Variants in KCNAB1 observed in about 807,000 individuals in gnomAD.
The protein encoded by KCNAB1 is voltage-gated potassium channel subunit beta-1.
KCNAB1 carries 35 observed loss-of-function variants against 64.6 expected under a neutral mutation model. That is an observed-to-expected ratio of 0.54 (90% CI 0.41 to 0.72). The LOEUF is 0.72. Among genes scored for constraint, KCNAB1 ranks in the 30% least tolerant of loss-of-function variants. The pLI is 0.00. For missense variants in KCNAB1, 401 were observed against 512.9 expected (o/e 0.78, Z 2.11); for synonymous variants, 177 against 183.8 (o/e 0.96, Z 0.30).
At position 156,292,978 on chromosome 3, in the gene KCNAB1, T is replaced by C. The variant is rs533456504; in HGVS notation, c.276-128638T>C. Among the ~76,000 whole-genome samples the C allele has an allele frequency of 2.6e-5, 4 of 152,364 alleles. No homozygotes were observed. The South Asian group carries it at 8.3e-4, about 32-fold the overall frequency. On this transcript the variant is annotated intron_variant, in intron 1 of 13. Coordinates refer to ENST00000490337, the MANE Select transcript of KCNAB1 (RefSeq NM_172160.3). ...TTAAGCCTAAATTACTGCTTGAAAT[T>C]AAATGTAGACCTTGTGAAATATGGA...
chr3:156,239,628 T>G (rs1286031480), intron 1 of KCNAB1, among the ~76,000 whole-genome samples: 2 of 152,226 alleles, frequency 1.3e-5, no homozygotes, highest in African/African-American at 4.8e-5. Flanking sequence ...CCTGCAGTCC[T>G]TGGAGAGCCG....
At chr3:156,324,336 G>C (rs775870035) in intron 1 of KCNAB1, among the ~76,000 whole-genome samples, 1 of 152,030 alleles carries the variant, frequency 6.6e-6, no homozygotes, top group African/African-American at 2.4e-5. Flanking sequence ...ATTACAATGC[G>C]CTTTAATTAG....
intron 1 of KCNAB1, among the ~76,000 whole-genome samples, chr3:156,192,254 T>C (rs1204044141): frequency 4.6e-5 from 7 of 152,156 alleles, no homozygotes; most frequent in Non-Finnish European, 1.0e-4. Flanking sequence ...AATTTATTTA[T>C]TTACCTTTTG....
chr3:156,331,430 A>C (rs1047160805), intron 1 of KCNAB1, among the ~76,000 whole-genome samples: 1 of 152,214 alleles, frequency 6.6e-6, no homozygotes, highest in Non-Finnish European at 1.5e-5. Flanking sequence ...AGTGCATGGC[A>C]AAATGAGTAA....
At chr3:156,535,478 G>A (rs568758322) in intron 13 of KCNAB1, among the ~76,000 whole-genome samples, 4 of 152,014 alleles carry the variant, frequency 2.6e-5, no homozygotes, top group Non-Finnish European at 5.9e-5. Context: ...TCAGCATGTC[G>A]GTGCAAATGA....
chr3:156,353,051 T>G (rs1451052989), intron 1 of KCNAB1, among the ~76,000 whole-genome samples: 2 of 152,232 alleles, frequency 1.3e-5, no homozygotes, highest in African/African-American at 4.8e-5. Context: ...GTTCCTTAGA[T>G]TATTGTAGCA....
chr3:156,498,814 G>C (rs1716185401), intron 8 of KCNAB1, among the ~76,000 whole-genome samples: 1 of 152,248 alleles, frequency 6.6e-6, no homozygotes, highest in South Asian at 2.1e-4. Context: ...GACAAGAGCA[G>C]AGCTTTCACT....
intron 1 of KCNAB1, among the ~76,000 whole-genome samples, chr3:156,146,137 G>A (rs1453855626): frequency 6.6e-6 from 1 of 152,094 alleles, no homozygotes; most frequent in Non-Finnish European, 1.5e-5. Context: ...TCTAACTAAG[G>A]TTGACCAGGA....
intron 1 of KCNAB1, among the ~76,000 whole-genome samples, chr3:156,347,215 G>A (rs1724537676): frequency 6.6e-6 from 1 of 152,216 alleles, no homozygotes. Context: ...CAGTATTTGT[G>A]TTGAGACAAA....
At chr3:156,503,019 T>C (rs987405285) in intron 8 of KCNAB1, among the ~76,000 whole-genome samples, 6 of 152,360 alleles carry the variant, frequency 3.9e-5, no homozygotes, top group Middle Eastern at 3.4e-3. Flanking sequence ...ACAAATCCTA[T>C]AGAATTTGAC....
chr3:156,448,495 C>T (rs2108272196), intron 2 of KCNAB1, among the ~76,000 whole-genome samples: 1 of 152,228 alleles, frequency 6.6e-6, no homozygotes, highest in East Asian at 1.9e-4. Flanking sequence ...GGGGATGTGT[C>T]CTGTCTGTGA....
chr3:156,192,034 G>C (rs966046290), intron 1 of KCNAB1, among the ~76,000 whole-genome samples: 2 of 152,022 alleles, frequency 1.3e-5, no homozygotes, highest in African/African-American at 4.8e-5. Context: ...ATCTGCTTTT[G>C]GTCTCTATAG....
At chr3:156,490,484 C>G (rs1326132117) in intron 8 of KCNAB1, among the ~76,000 whole-genome samples, 1 of 151,948 alleles carries the variant, frequency 6.6e-6, no homozygotes, top group African/African-American at 2.4e-5. Flanking sequence ...CTATAATATA[C>G]TTGGTGATAT....
chr3:156,305,315 G>A (rs528553646), intron 1 of KCNAB1, among the ~76,000 whole-genome samples: 26 of 152,274 alleles, frequency 1.7e-4, no homozygotes, highest in African/African-American at 5.8e-4. Flanking sequence ...AAATATTCCT[G>A]TTTTAATCAT....
intron 8 of KCNAB1, among the ~76,000 whole-genome samples, chr3:156,493,761 T>G (rs1715808824): frequency 6.6e-6 from 1 of 152,154 alleles, no homozygotes; most frequent in Admixed American, 6.6e-5. Context: ...GACTATCGAC[T>G]ACTTTGTAGA....
intron 1 of KCNAB1, among the ~76,000 whole-genome samples, chr3:156,190,892 C>T (rs1713524432): frequency 6.6e-6 from 1 of 152,122 alleles, no homozygotes; most frequent in Non-Finnish European, 1.5e-5. Flanking sequence ...AGGGTTTAGC[C>T]ACGTTGGCCA....
chr3:156,509,810 G>T (rs1717074459), intron 8 of KCNAB1, among the ~76,000 whole-genome samples: 1 of 152,110 alleles, frequency 6.6e-6, no homozygotes, highest in South Asian at 2.1e-4. Context: ...TTGTTATTCT[G>T]CCTAGGAGGC....
chr3:156,475,839 TA>T (rs1373680831), intron 8 of KCNAB1, among the ~76,000 whole-genome samples: 12 of 152,202 alleles, frequency 7.9e-5, no homozygotes, highest in African/African-American at 2.9e-4. Flanking sequence ...TTTCTGACCA[TA>T]AAAAAGTTAT....
chr3:156,457,459 G>A lies in KCNAB1; in HGVS notation c.364G>A (p.Glu122Lys). Residue 122 changes from glutamate (E) to lysine (K), a missense_variant, in exon 4 of 14, where the codon GAA becomes AAA. Physicochemically the swap from Glu to Lys is moderately conservative, Grantham distance 56. Coordinates refer to ENST00000490337, the MANE Select transcript of KCNAB1 (RefSeq NM_172160.3). Reference sequence around the variant, plus strand: ...CCTTTCTCTCCCCTTGCAGGTTGCTGAACGGCTGATGACCATCGCCTATGA... The same window carrying A: ...CCTTTCTCTCCCCTTGCAGGTTGCTAAACGGCTGATGACCATCGCCTATGA... ...FGGQISDEVAERLMTIAYESG... is the reference protein window; with the variant it reads ...FGGQISDEVAKRLMTIAYESG... 1 of 1,613,842 alleles carries A rather than the reference G, an allele frequency of 6.2e-7. No homozygotes were observed. Among genetic ancestry groups the A allele is most frequent in the South Asian group, 1.1e-5 (1 of 91,052 alleles).
Sources: allele counts gnomAD v4.1 joint callset (sites outside exome capture counted in the v4.1 genomes callset), GRCh38; gene constraint gnomAD v4.1.1; transcripts MANE v1.5; gene names NCBI Gene and HGNC (gene_info 2026-07-23, HGNC 2026-07-21).